LPP: variants seen among roughly 807,000 people sequenced by gnomAD.
The protein encoded by LPP is lipoma-preferred partner.
A neutral mutation model predicts 60.4 loss-of-function variants in LPP; 38 were observed. That is an observed-to-expected ratio of 0.63 (90% CI 0.49 to 0.83). LPP has a LOEUF of 0.83. Among genes scored for constraint, LPP ranks in the 40% least tolerant of loss-of-function variants. The pLI, the probability that LPP is intolerant of heterozygous loss-of-function variation, is 0.00. For synonymous variants in LPP, 328 were observed against 290.8 expected (o/e 1.13, Z -1.30); for missense variants, 902 against 783.6 (o/e 1.15, Z -1.80).
intron 6 of LPP, among the ~76,000 whole-genome samples, chr3:188,592,369 TACAC>T (rs779668363): frequency 1.3e-5 from 2 of 150,704 alleles, no homozygotes; most frequent in African/African-American, 2.4e-5. Flanking sequence ...CACACACACA[TACAC>T]ACAGTCACAC....
At chr3:188,621,945 T>C (rs948230949) in intron 7 of LPP, among the ~76,000 whole-genome samples, 3 of 152,086 alleles carry the variant, frequency 2.0e-5, no homozygotes, top group African/African-American at 7.2e-5. Flanking sequence ...CAGGCTGGGA[T>C]TACACCACTA....
intron 2 of LPP, among the ~76,000 whole-genome samples, chr3:188,290,428 A>G (rs1366124726): frequency 6.6e-6 from 1 of 152,034 alleles, no homozygotes; most frequent in African/African-American, 2.4e-5. Flanking sequence ...GGCTTACATC[A>G]TAGGGTCCTT....
intron 8 of LPP, among the ~76,000 whole-genome samples, chr3:188,750,310 G>A (rs779157889): frequency 2.0e-5 from 3 of 152,126 alleles, no homozygotes; most frequent in Admixed American, 6.5e-5. Context: ...ATGATCATTG[G>A]AGAAATACTC....
At chr3:188,844,359 C>G (rs1191607565) in intron 9 of LPP, among the ~76,000 whole-genome samples, 1 of 152,222 alleles carries the variant, frequency 6.6e-6, no homozygotes, top group East Asian at 1.9e-4. Context: ...AATACTTCCT[C>G]TCCTCCTCTT....
chr3:188,348,842 G>T (rs965741025), intron 3 of LPP, among the ~76,000 whole-genome samples: 4 of 152,076 alleles, frequency 2.6e-5, no homozygotes, highest in Admixed American at 2.6e-4. Flanking sequence ...CATGCTGCCA[G>T]CATTCTTGGG....
chr3:188,833,827 A>G (rs1335409513), intron 9 of LPP, among the ~76,000 whole-genome samples: 3 of 152,152 alleles, frequency 2.0e-5, no homozygotes, highest in Non-Finnish European at 2.9e-5. Flanking sequence ...AGGACTGTTC[A>G]TTCTTTTAAC....
intron 4 of LPP, among the ~76,000 whole-genome samples, chr3:188,407,326 C>T (rs1454334759): frequency 6.6e-6 from 1 of 152,202 alleles, no homozygotes; most frequent in Non-Finnish European, 1.5e-5. Context: ...TTCCTGTCCT[C>T]TCCTGCGCCC....
At chr3:188,297,648 C>G (rs1482451507) in intron 2 of LPP, among the ~76,000 whole-genome samples, 4 of 152,164 alleles carry the variant, frequency 2.6e-5, no homozygotes, top group Non-Finnish European at 5.9e-5. Context: ...CTTTCCCCTT[C>G]CATTTTATAT....
chr3:188,184,091 C>T (rs76284942), intron 1 of LPP, among the ~76,000 whole-genome samples: 9,516 of 152,226 alleles, frequency 0.063, 397 homozygotes, highest in South Asian at 0.13. Context: ...GACTGGCCAT[C>T]GCAGTGCCTC....
chr3:188,254,216 A>G (rs1235179559), intron 2 of LPP, among the ~76,000 whole-genome samples: 1 of 152,238 alleles, frequency 6.6e-6, no homozygotes, highest in Non-Finnish European at 1.5e-5. Flanking sequence ...AGTGAAAGCC[A>G]AAACAGATGA....
At chr3:188,178,963 TGGGAGAGAGA>T (rs1221658278) in intron 1 of LPP, 1 of 237,490 alleles carries the variant, frequency 4.2e-6, no homozygotes, top group South Asian at 4.0e-5. Flanking sequence ...AGGTGGGGAG[TGGGAGAGAGA>T]GGGAGAGAGA....
chr3:188,578,723 C>T (rs1174617383), intron 6 of LPP, among the ~76,000 whole-genome samples: 1 of 151,920 alleles, frequency 6.6e-6, no homozygotes, highest in Non-Finnish European at 1.5e-5. Flanking sequence ...GTTAGTTCCT[C>T]ATCCGTCCGA....
At chr3:188,349,511 A>G (rs777489797) in intron 3 of LPP, among the ~76,000 whole-genome samples, 2 of 152,278 alleles carry the variant, frequency 1.3e-5, no homozygotes, top group Non-Finnish European at 2.9e-5. Context: ...CCCATTTGAT[A>G]AGTGCCTGGG....
chr3:188,590,712 CTG>C (rs1317923223), intron 6 of LPP, among the ~76,000 whole-genome samples: 1 of 152,128 alleles, frequency 6.6e-6, no homozygotes, highest in African/African-American at 2.4e-5. Context: ...GTGGTGAAGA[CTG>C]TGGCAAGCAG....
intron 2 of LPP, among the ~76,000 whole-genome samples, chr3:188,246,536 A>C (rs990468750): frequency 5.9e-5 from 9 of 152,194 alleles, no homozygotes; most frequent in African/African-American, 2.2e-4. Context: ...ATGTCTTATG[A>C]ATTTAAATAG....
intron 2 of LPP, among the ~76,000 whole-genome samples, chr3:188,241,480 A>G (rs1724808494): frequency 6.6e-6 from 1 of 152,298 alleles, no homozygotes; most frequent in South Asian, 2.1e-4. Flanking sequence ...AGAAAAAGTC[A>G]TCAGAGTTGT....
intron 2 of LPP, among the ~76,000 whole-genome samples, chr3:188,233,864 C>T (rs1358004367): frequency 1.3e-5 from 2 of 152,120 alleles, no homozygotes; most frequent in African/African-American, 2.4e-5. Context: ...CCAATCCCCA[C>T]TGCCACCCTC....
chr3:188,564,172 C>T (rs913964463), intron 6 of LPP, among the ~76,000 whole-genome samples: 4 of 151,922 alleles, frequency 2.6e-5, no homozygotes, highest in Non-Finnish European at 5.9e-5. Context: ...TAATTGAATT[C>T]TCTATACTGA....
intron 3 of LPP, 31 bp from the exon 4 acceptor site, chr3:188,406,081 C>T: frequency 2.5e-6 from 4 of 1,569,106 alleles, no homozygotes; most frequent in Non-Finnish European, 3.5e-6. Flanking sequence ...TTTCATGCTT[C>T]CATAAAAACA....
Sources: gnomAD v4.1 joint callset for allele counts (sites outside exome capture counted in the v4.1 genomes callset) on GRCh38, gnomAD v4.1.1 for gene constraint, MANE v1.5 for transcripts, NCBI Gene and HGNC (gene_info 2026-07-23, HGNC 2026-07-21) for gene names.